The following GNAZ variants were observed in gnomAD, a reference collection of about 807,000 sequenced individuals.
GNAZ encodes the protein G protein subunit alpha z.
GNAZ carries 3 observed loss-of-function variants against 25.4 expected under a neutral mutation model. That is an observed-to-expected ratio of 0.12 (90% confidence interval 0.05 to 0.30). The LOEUF (loss-of-function observed/expected upper bound fraction) is 0.30. Ranked by LOEUF, GNAZ falls within the 10% of genes least tolerant of loss-of-function variation. The pLI is 1.00. For synonymous variants in GNAZ, 211 were observed against 205.7 expected (o/e 1.03, Z -0.22); for missense variants, 241 against 501.8 (o/e 0.48, Z 4.97).
At chr22:23,118,078 G>C (rs1211761697) in intron 2 of GNAZ, among the ~76,000 whole-genome samples, 1 of 152,240 alleles carries the variant, frequency 6.6e-6, no homozygotes, top group Non-Finnish European at 1.5e-5. Context: ...CCCTGCTGTA[G>C]TGAGAAAGCC....
intron 2 of GNAZ, among the ~76,000 whole-genome samples, chr22:23,110,853 A>C (rs1424420574): frequency 1.3e-5 from 2 of 152,144 alleles, no homozygotes; most frequent in Admixed American, 6.5e-5. Context: ...AGGGCCCACC[A>C]CACTCTGAGG....
chr22:23,111,086 G>A (rs192217224), intron 2 of GNAZ, among the ~76,000 whole-genome samples: 4 of 152,334 alleles, frequency 2.6e-5, no homozygotes, highest in South Asian at 4.1e-4. Flanking sequence ...GGGCCTGCGC[G>A]CCTTCCCTGT....
rs896580737 is a variant in GNAZ at position 23,095,666 on chromosome 22, C to A, written c.-30C>A. 3.2e-6 allele frequency: 5 copies of A among 1,576,920 alleles called. No individual in the cohort carries two copies. The highest frequency in any genetic ancestry group is 4.3e-6 in the Non-Finnish European group (5 of 1,163,228). On this transcript the variant is annotated 5_prime_UTR_variant, in exon 2 of 3. Coordinates refer to ENST00000615612, the MANE Select transcript of GNAZ (RefSeq NM_002073.4). ...AGAGGGAGAGGTGCCCCATCCCGTG[C>A]TCCTTGTCTGGGCCCGCTGCTGCCA...
Position 23,095,736 on chromosome 22 carries a change from G to C in GNAZ, c.41G>C (p.Arg14Pro). 6.2e-7 allele frequency: 1 copy of C among 1,611,992 alleles called. No individual in the cohort carries two copies. The highest frequency in any genetic ancestry group is 8.5e-7 in the Non-Finnish European group (1 of 1,179,522). The change falls in exon 2 of 3, where the codon CGG becomes CCG. Residue 14 changes from arginine to proline, a missense_variant. Arg to Pro is a moderately radical substitution (Grantham distance 103, BLOSUM62 -2). Coordinates refer to ENST00000615612, the MANE Select transcript of GNAZ (RefSeq NM_002073.4). ...RQSSEEKEAARRSRRIDRHLR... is the reference protein window; with the variant it reads ...RQSSEEKEAAPRSRRIDRHLR... ...AGCTCAGAGGAAAAAGAAGCAGCCC[G>C]GCGGTCCCGGAGAATTGACCGCCAC...
intron 1 of GNAZ, among the ~76,000 whole-genome samples, chr22:23,088,939 C>T (rs1279741113): frequency 6.6e-6 from 1 of 152,344 alleles, no homozygotes; most frequent in Admixed American, 6.5e-5. Context: ...CTGTGCCTCT[C>T]CCCCAGTCAC....
Position 23,096,296 on chromosome 22 carries a change from G to C in GNAZ, c.601G>C (p.Asp201His). The C allele has an allele frequency of 6.2e-7, 1 of 1,614,076 alleles. No individual in the cohort carries two copies. Among genetic ancestry groups the C allele is most frequent in the Non-Finnish European group, 8.5e-7 (1 of 1,180,028 alleles). ...TFKELTFKMV[D>H]VGGQRSERKK... is the part of the protein sequence containing the mutation. ...CAAGGAGCTCACCTTCAAGATGGTGGACGTGGGGGGGCAGAGGTCAGAGCG... is the reference window on the plus strand; with the variant it reads ...CAAGGAGCTCACCTTCAAGATGGTGCACGTGGGGGGGCAGAGGTCAGAGCG... The change falls in exon 2 of 3, where the codon GAC becomes CAC. Residue 201 changes from aspartate (D) to histidine (H), a missense_variant. By Grantham distance (81) the Asp-to-His change is moderately conservative. Transcript: ENST00000615612.
chr22:23,098,689 C>T (rs924779646), intron 2 of GNAZ, among the ~76,000 whole-genome samples: 3 of 152,270 alleles, frequency 2.0e-5, no homozygotes, highest in Admixed American at 2.0e-4. Context: ...TCACTGGATT[C>T]CAAATGATTC....
At chr22:23,082,676 G>A (rs2068716402) in intron 1 of GNAZ, among the ~76,000 whole-genome samples, 1 of 152,072 alleles carries the variant, frequency 6.6e-6, no homozygotes, top group Non-Finnish European at 1.5e-5. Flanking sequence ...CCCACGGCAG[G>A]CCAGCCTGGA....
chr22:23,100,395 G>C (rs994954294), intron 2 of GNAZ, among the ~76,000 whole-genome samples: 2 of 152,252 alleles, frequency 1.3e-5, no homozygotes, highest in African/African-American at 4.8e-5. Flanking sequence ...GGGAGGCCTG[G>C]TGTCTCTGCC....
chr22:23,096,910 G>A (rs904426803), intron 2 of GNAZ, among the ~76,000 whole-genome samples: 5 of 152,366 alleles, frequency 3.3e-5, no homozygotes, highest in Non-Finnish European at 5.9e-5. Flanking sequence ...TGGCATGGGC[G>A]CAGCCCGAGG....
chr22:23,111,155 G>A (rs557217167), intron 2 of GNAZ, among the ~76,000 whole-genome samples: 8 of 152,302 alleles, frequency 5.3e-5, no homozygotes, highest in South Asian at 4.1e-4. Flanking sequence ...AGCCTCTGCC[G>A]GGGAGTGGCC....
Position 23,123,525 on chromosome 22 carries a change from CAG to C in GNAZ, c.*95_*96del, listed in dbSNP as rs1269091506. 5.4e-6 allele frequency: 4 copies of C among 747,052 alleles called. No homozygotes were observed. The highest frequency in any genetic ancestry group is 3.5e-4 in the Middle Eastern group (1 of 2,892). 46.3% of individuals were successfully genotyped at this position (747,052 alleles called of 1,614,324 possible). A position where few individuals can be genotyped will look rare whatever the true frequency, so the allele number is the denominator to read the frequency against. On this transcript the variant is annotated 3_prime_UTR_variant, in exon 3 of 3. Transcript: ENST00000615612. ...AGAGGCCCAATCCAGGGGCAGAAAA[CAG>C]GGGGCCTAAAGAATGTCCCCCACCC...
chr22:23,107,307 A>G (rs2069512615), intron 2 of GNAZ, among the ~76,000 whole-genome samples: 1 of 152,100 alleles, frequency 6.6e-6, no homozygotes, highest in South Asian at 2.1e-4. Context: ...CCTGGGACCT[A>G]CAGGCCTGAG....
chr22:23,104,014 G>A (rs934265143), intron 2 of GNAZ, among the ~76,000 whole-genome samples: 9 of 152,158 alleles, frequency 5.9e-5, no homozygotes, highest in Non-Finnish European at 1.0e-4. Flanking sequence ...CAGGAGAGAC[G>A]GGGGCCTAGA....
At chr22:23,080,906 G>T (rs1601760885) in intron 1 of GNAZ, among the ~76,000 whole-genome samples, 1 of 152,246 alleles carries the variant, frequency 6.6e-6, no homozygotes, top group Non-Finnish European at 1.5e-5. Flanking sequence ...ATGCTGGCTT[G>T]TGTCAGTACA....
chr22:23,116,732 C>T (rs2069848119), intron 2 of GNAZ, among the ~76,000 whole-genome samples: 1 of 152,224 alleles, frequency 6.6e-6, no homozygotes, highest in South Asian at 2.1e-4. Flanking sequence ...GCTTGTCCCA[C>T]ACAGCTGCCT....
At chr22:23,122,148 A>C (rs912625317) in intron 2 of GNAZ, among the ~76,000 whole-genome samples, 2 of 152,210 alleles carry the variant, frequency 1.3e-5, no homozygotes, top group African/African-American at 4.8e-5. Flanking sequence ...AGCAAATTCC[A>C]GGTAGTTACT....
intron 2 of GNAZ, among the ~76,000 whole-genome samples, chr22:23,102,609 A>G (rs885962): frequency 1.3e-5 from 2 of 152,078 alleles, no homozygotes; most frequent in Non-Finnish European, 2.9e-5. Context: ...GGCTGCCCCC[A>G]CACCTGCTCT....
rs564583965 is a variant in GNAZ at position 23,123,984 on chromosome 22, T to C, written c.*553T>C. 3.3e-5 allele frequency: 7 copies of C among 214,414 alleles called. No individual in the cohort carries two copies. The South Asian group carries it at 4.4e-4, about 13-fold the overall frequency. The allele number at this position is 214,414 out of a possible 1,614,324, so 13.3% of individuals were successfully genotyped here. Reference sequence around the variant, plus strand: ...CTCAGCACCACTTTCATTCTGGACCTGGGACCTTAGGAGCCGGGTGACAGC... The same window carrying C: ...CTCAGCACCACTTTCATTCTGGACCCGGGACCTTAGGAGCCGGGTGACAGC... On this transcript the variant is annotated 3_prime_UTR_variant, in exon 3 of 3. Coordinates refer to ENST00000615612, the MANE Select transcript of GNAZ (RefSeq NM_002073.4).
Sources: gnomAD v4.1 joint callset for allele counts (sites outside exome capture counted in the v4.1 genomes callset) on GRCh38, gnomAD v4.1.1 for gene constraint, MANE v1.5 for transcripts, NCBI Gene and HGNC (gene_info 2026-07-23, HGNC 2026-07-21) for gene names.